RHOBTB1: variants seen among roughly 807,000 people sequenced by gnomAD.
The protein encoded by RHOBTB1 is rho-related BTB domain-containing protein 1.
In RHOBTB1, 40 loss-of-function variants were observed where a neutral mutation model predicts 71.6. The observed-to-expected ratio is 0.56, with a 90% confidence interval of 0.43 to 0.73. RHOBTB1 has a LOEUF of 0.73. RHOBTB1 is among the 30% of genes least tolerant of loss of function. The pLI is 0.00. For missense variants in RHOBTB1, 797 were observed against 894.0 expected, an observed-to-expected ratio of 0.89 and a Z score of 1.38; for synonymous variants, 319 against 334.9, an observed-to-expected ratio of 0.95 and a Z score of 0.52.
At chr10:60,888,049 T>A (rs1413056330) in intron 6 of RHOBTB1, among the ~76,000 whole-genome samples, 163 bp downstream of exon 6, 2 of 152,182 alleles carry the variant, frequency 1.3e-5, no homozygotes, top group African/African-American at 4.8e-5. Context: ...TTAAGTCTGA[T>A]GAGGATTAAA....
chr10:60,942,091 C>T (rs923304307), intron 1 of RHOBTB1, among the ~76,000 whole-genome samples: 1 of 151,926 alleles, frequency 6.6e-6, no homozygotes, highest in African/African-American at 2.4e-5. Context: ...GCTCTTGGGA[C>T]GATACCAAAA....
intron 4 of RHOBTB1, among the ~76,000 whole-genome samples, chr10:60,905,381 C>T (rs113200174): frequency 3.0e-5 from 4 of 132,600 alleles, no homozygotes; most frequent in South Asian, 2.3e-4. Context: ...ACCTGGGAGA[C>T]GTAGGTTGCA....
chr10:60,902,927 T>C (rs1251549523), intron 4 of RHOBTB1, among the ~76,000 whole-genome samples: 1 of 152,110 alleles, frequency 6.6e-6, no homozygotes, highest in Non-Finnish European at 1.5e-5. Flanking sequence ...GTATCGGGGA[T>C]AGAAAATAGA....
chr10:60,876,952 C>T (rs774511040), intron 8 of RHOBTB1, among the ~76,000 whole-genome samples: 2 of 152,168 alleles, frequency 1.3e-5, no homozygotes, highest in Non-Finnish European at 1.5e-5. Flanking sequence ...AAATATTTAT[C>T]GAAAGCTAAT....
At chr10:60,947,399 T>TA (rs1004091233), upstream of RHOBTB1, among the ~76,000 whole-genome samples, 12 of 152,200 alleles carry the variant, frequency 7.9e-5, no homozygotes, top group South Asian at 4.2e-4. Context: ...GTCATAGGAT[T>TA]AAAAAAAATC....
rs2084915641 is a variant in RHOBTB1, at chr10:60,941,794, A to G, written c.-11+10T>C. ...AATCTATAGTCATGGGTTTGCACAA[A>G]GACACTGACCTGGCTTGCTGGAAGT... is the stretch of plus-strand genomic sequence containing the variant. On this transcript the variant is annotated intron_variant, in intron 2 of 10. Coordinates refer to ENST00000337910, the MANE Select transcript of RHOBTB1 (RefSeq NM_014836.5). 6.6e-6 allele frequency: 1 copy of G among 152,620 alleles called. No homozygotes were observed. Among genetic ancestry groups the G allele is most frequent in the Non-Finnish European group, 1.5e-5 (1 of 68,036 alleles). The allele number at this position is 152,620 out of a possible 1,614,324, so 9.5% of individuals were successfully genotyped here. A position where few individuals can be genotyped will look rare whatever the true frequency, so the allele number is the denominator to read the frequency against.
At chr10:60,946,728 C>T (rs977372438), upstream of RHOBTB1, among the ~76,000 whole-genome samples, 1 of 152,096 alleles carries the variant, frequency 6.6e-6, no homozygotes, top group South Asian at 2.1e-4. Context: ...GGTGCCTATA[C>T]CAGAAAGACA....
chr10:60,999,126 A>G (rs2087164425), intron 1 of RHOBTB1, among the ~76,000 whole-genome samples: 1 of 152,204 alleles, frequency 6.6e-6, no homozygotes, highest in Non-Finnish European at 1.5e-5. Context: ...CTTGTTGTCA[A>G]ATCAAGACAA....
chr10:60,952,499 C>T (rs1240947828), intron 2 of RHOBTB1, among the ~76,000 whole-genome samples: 6 of 152,186 alleles, frequency 3.9e-5, no homozygotes, highest in African/African-American at 7.2e-5. Context: ...CCACTATTAT[C>T]CCCATTTTAT....
upstream of RHOBTB1, among the ~76,000 whole-genome samples, chr10:60,948,570 A>G (rs2085310964): frequency 2.0e-5 from 3 of 152,188 alleles, no homozygotes; most frequent in Admixed American, 2.0e-4. Flanking sequence ...TCTGCTCTGG[A>G]TGCAGCATGT....
intron 2 of RHOBTB1, among the ~76,000 whole-genome samples, chr10:60,982,155 G>A (rs990166908): frequency 3.3e-5 from 5 of 152,068 alleles, no homozygotes; most frequent in Non-Finnish European, 5.9e-5. Context: ...ATTAAATGGC[G>A]GCCCATGAAC....
intron 4 of RHOBTB1, among the ~76,000 whole-genome samples, chr10:60,899,719 G>C (rs369105064): frequency 6.6e-6 from 1 of 152,220 alleles, no homozygotes; most frequent in African/African-American, 2.4e-5. Context: ...ATTGGGGATA[G>C]AGTGATTAGT....
At chr10:60,923,820 AT>A (rs1306255239) in intron 2 of RHOBTB1, among the ~76,000 whole-genome samples, 1 of 151,868 alleles carries the variant, frequency 6.6e-6, no homozygotes, top group Admixed American at 6.6e-5. Flanking sequence ...CTTGGATCTC[AT>A]TTTTTTCCTT....
rs1339529320 is a variant in RHOBTB1 at position 60,936,593 on chromosome 10, CGTAAGATATA to C, written c.-11+5201_-11+5210del. ...ATGGCCTATTAAGCATGAATTTCAG[CGTAAGATATA>C]GTAACCACTATTCTTTAGAACCTCA... On this transcript the variant is annotated intron_variant, in intron 2 of 10. Transcript: ENST00000337910. Among the ~76,000 whole-genome samples the C allele has an allele frequency of 7.2e-5, 11 of 152,216 alleles. No homozygotes were observed. In the East Asian group the frequency reaches 2.1e-3, roughly 29 times the overall value.
intron 2 of RHOBTB1, among the ~76,000 whole-genome samples, chr10:60,962,087 C>A (rs2085802126): frequency 6.6e-6 from 1 of 152,096 alleles, no homozygotes; most frequent in Non-Finnish European, 1.5e-5. Flanking sequence ...GGATTACAGG[C>A]CTAAGCCACT....
At chr10:60,971,347 A>T (rs1393738246) in intron 2 of RHOBTB1, among the ~76,000 whole-genome samples, 1 of 151,880 alleles carries the variant, frequency 6.6e-6, no homozygotes, top group African/African-American at 2.4e-5. Context: ...CAAAACAGAT[A>T]TATAGACCAA....
intron 4 of RHOBTB1, among the ~76,000 whole-genome samples, chr10:60,897,640 G>A (rs1564856111): frequency 6.6e-6 from 1 of 152,182 alleles, no homozygotes; most frequent in East Asian, 1.9e-4. Flanking sequence ...GTTTGTCTGA[G>A]TCTGGTTGGG....
intron 1 of RHOBTB1, among the ~76,000 whole-genome samples, chr10:60,991,477 C>G (rs1437735467): frequency 6.7e-6 from 1 of 148,280 alleles, no homozygotes; most frequent in Non-Finnish European, 1.5e-5. Context: ...GTCACGCAGG[C>G]TGGAGTGCAG....
intron 2 of RHOBTB1, among the ~76,000 whole-genome samples, chr10:60,926,094 A>G (rs1475810469): frequency 6.6e-6 from 1 of 152,038 alleles, no homozygotes; most frequent in Admixed American, 6.6e-5. Flanking sequence ...AATATTAGCC[A>G]GGTGTGGTGG....
Sources: gnomAD v4.1 joint callset for allele counts (sites outside exome capture counted in the v4.1 genomes callset) on GRCh38, gnomAD v4.1.1 for gene constraint, MANE v1.5 for transcripts, NCBI Gene and HGNC (gene_info 2026-07-23, HGNC 2026-07-21) for gene names.